The following SRFBP1 variants were observed in gnomAD, a reference collection of about 807,000 sequenced individuals.
SRFBP1 encodes serum response factor binding protein 1.
In SRFBP1, 47 loss-of-function variants were observed where a neutral mutation model predicts 45.5. That is an observed-to-expected ratio of 1.03 (90% CI 0.82 to 1.32). The LOEUF (loss-of-function observed/expected upper bound fraction) is 1.32, where lower values mean the gene tolerates loss of function less well. Ranked by LOEUF, SRFBP1 falls within the 40% of genes most tolerant of loss-of-function variation. The pLI is 0.00. For missense variants in SRFBP1, 621 were observed against 484.6 expected, an observed-to-expected ratio of 1.28 and a Z score of -2.64; for synonymous variants, 203 against 166.3, an observed-to-expected ratio of 1.22 and a Z score of -1.70.
chr5:122,028,598 C>CTG lies in SRFBP1; in HGVS notation c.*1474_*1475dup, dbSNP rs1351382497. ...CTCCAGCCTGGGTGACAGAGTATGA[C>CTG]TGTCTCAAAAAAAAAAAAAAATTTG... On this transcript the variant is annotated 3_prime_UTR_variant, in exon 8 of 8. Transcript: ENST00000339397. 1 of 147,862 alleles carries CTG rather than the reference C, an allele frequency of 6.8e-6. No individual in the cohort carries two copies. Among genetic ancestry groups the CTG allele is most frequent in the East Asian group, 2.0e-4 (1 of 5,102 alleles). The allele number at this position is 147,862 out of a possible 1,614,324, so 9.2% of individuals were successfully genotyped here. A position where few individuals can be genotyped will look rare whatever the true frequency, so the allele number is the denominator to read the frequency against.
intron 2 of SRFBP1, among the ~76,000 whole-genome samples, chr5:122,043,374 C>G (rs113527348): frequency 9.6e-4 from 146 of 152,176 alleles, no homozygotes; most frequent in African/African-American, 3.4e-3. Flanking sequence ...CCTTGCTACA[C>G]CCGGCTAGGT....
intron 4 of SRFBP1, among the ~76,000 whole-genome samples, chr5:121,998,056 A>G (rs987723958): frequency 6.6e-6 from 1 of 152,104 alleles, no homozygotes; most frequent in Non-Finnish European, 1.5e-5. Context: ...GAACACTTAC[A>G]CTGTTGGTGG....
intron 2 of SRFBP1, among the ~76,000 whole-genome samples, chr5:122,049,650 A>G (rs1467314421): frequency 2.0e-5 from 3 of 152,318 alleles, no homozygotes; most frequent in East Asian, 1.9e-4. Flanking sequence ...AGCAAATGTA[A>G]AAGAACAGAA....
At chr5:122,065,838 T>G (rs1289847903) in intron 2 of SRFBP1, 1 of 152,112 alleles carries the variant, frequency 6.6e-6, no homozygotes, top group African/African-American at 2.4e-5. Flanking sequence ...AAATTGTATC[T>G]TTGGCAAATA....
intron 2 of SRFBP1, among the ~76,000 whole-genome samples, chr5:122,043,600 C>A (rs540302447): frequency 6.6e-6 from 1 of 152,264 alleles, no homozygotes; most frequent in South Asian, 2.1e-4. Flanking sequence ...TTGTGTGTGT[C>A]ACTGATTCTT....
At chr5:121,978,471 A>G (rs148666551) in intron 3 of SRFBP1, among the ~76,000 whole-genome samples, 17 of 152,120 alleles carry the variant, frequency 1.1e-4, no homozygotes, top group African/African-American at 3.1e-4. Flanking sequence ...AGGTAAATAT[A>G]CACAGTAGCC....
chr5:122,027,272 C>CA lies in SRFBP1; in HGVS notation c.*147dup, dbSNP rs1360162469. On this transcript the variant is annotated 3_prime_UTR_variant, in exon 8 of 8. Coordinates refer to ENST00000339397, the MANE Select transcript of SRFBP1 (RefSeq NM_152546.3). The stretch of plus-strand genomic sequence containing the variant: ...AACTCCTGGGCTCAAGTGATCCTCC[C>CA]ACCTCTGCCTCCCAAAGGGCTGGGA... 6 of 610,898 alleles carry CA rather than the reference C, an allele frequency of 9.8e-6. No homozygotes were observed. The highest frequency in any genetic ancestry group is 1.4e-5 in the Non-Finnish European group (5 of 364,982). 37.8% of individuals were successfully genotyped at this position (610,898 alleles called of 1,614,324 possible).
intron 1 of SRFBP1, among the ~76,000 whole-genome samples, chr5:121,971,709 C>T (rs768826793): frequency 9.2e-5 from 14 of 151,980 alleles, no homozygotes; most frequent in Admixed American, 6.6e-5. Context: ...ACTGCCCCCT[C>T]AACTCTTAAC....
downstream of SRFBP1, chr5:122,077,800 T>A (rs1754686645): frequency 3.2e-6 from 5 of 1,550,098 alleles, no homozygotes; most frequent in Non-Finnish European, 4.3e-6. The surrounding 1 kb of genome is among the most constrained non-coding windows in gnomAD (Gnocchi z 4.9). Context: ...GCTGGTACTG[T>A]GAGCCCAGGC....
intron 2 of SRFBP1, among the ~76,000 whole-genome samples, chr5:122,073,505 A>G (rs778046079): frequency 3.3e-5 from 5 of 152,228 alleles, no homozygotes; most frequent in Non-Finnish European, 7.3e-5. Flanking sequence ...TTCTATTTTC[A>G]GCATAAAACA....
intron 2 of SRFBP1, among the ~76,000 whole-genome samples, chr5:122,033,946 C>T (rs867969051): frequency 4.6e-5 from 7 of 151,156 alleles, no homozygotes; most frequent in Non-Finnish European, 8.8e-5. Flanking sequence ...GCCTCAGCCT[C>T]CTGGGTAGCT....
Position 121,965,024 on chromosome 5 carries a change from A to G in SRFBP1, c.36+2956A>G, listed in dbSNP as rs566107184. Among the ~76,000 whole-genome samples, 372 of 152,194 alleles carry G rather than the reference A, an allele frequency of 2.4e-3. 2 individuals carry two copies. Among genetic ancestry groups the G allele is most frequent in the African/African-American group, 8.2e-3 (342 of 41,508 alleles). On this transcript the variant is annotated intron_variant, in intron 1 of 7. Transcript: ENST00000339397. The stretch of plus-strand genomic sequence containing the variant: ...AAGTGTCTGTTCATGTCCTTCGCCC[A>G]CTTTTTGATGGGGTTGTTTTTTTCT...
rs200900281 is a variant in SRFBP1, at chr5:122,020,721, A to T, written c.986A>T (p.Asp329Val). ...GAAACTCATGGGGATACAAGAAATG[A>T]CAAAATCAAGCCAAGTACAGAAACC... Reference protein sequence around the residue: ...TGETHGDTRNDKIKPSTETRK... With the variant: ...TGETHGDTRNVKIKPSTETRK... Residue 329 changes from aspartate to valine, a missense_variant, in exon 6 of 8, where the codon GAC (aspartate) becomes GTC (valine). By Grantham distance (152) the Asp-to-Val change is radical (BLOSUM62 -3). Coordinates refer to ENST00000339397, the MANE Select transcript of SRFBP1 (RefSeq NM_152546.3). 1.2e-6 allele frequency: 2 copies of T among 1,611,836 alleles called. No homozygotes were observed. The highest frequency in any genetic ancestry group is 1.7e-6 in the Non-Finnish European group (2 of 1,179,468).
At chr5:121,966,359 A>T (rs1343948769) in intron 1 of SRFBP1, among the ~76,000 whole-genome samples, 3 of 152,178 alleles carry the variant, frequency 2.0e-5, no homozygotes, top group Non-Finnish European at 4.4e-5. Context: ...TATTTTTGGT[A>T]CTTTGAAGAG....
chr5:122,054,484 T>G (rs1226439312), intron 2 of SRFBP1, among the ~76,000 whole-genome samples: 1 of 152,174 alleles, frequency 6.6e-6, no homozygotes, highest in African/African-American at 2.4e-5. Context: ...CTCTTTTGTT[T>G]CCTGTCCGTG....
chr5:122,032,381 T>C (rs1322247750), downstream of SRFBP1, among the ~76,000 whole-genome samples: 1 of 152,064 alleles, frequency 6.6e-6, no homozygotes, highest in Non-Finnish European at 1.5e-5. Context: ...GTTTGTTCTT[T>C]CCACCCCATT....
downstream of SRFBP1, among the ~76,000 whole-genome samples, chr5:122,076,432 C>A (rs1754635792): frequency 1.3e-5 from 2 of 152,142 alleles, no homozygotes; most frequent in African/African-American, 4.8e-5. Context: ...CCAAAACAAC[C>A]AAGTTCATCG....
intron 2 of SRFBP1, among the ~76,000 whole-genome samples, chr5:122,043,368 G>T (rs1200042078): frequency 2.0e-5 from 3 of 151,878 alleles, no homozygotes; most frequent in African/African-American, 7.3e-5. Flanking sequence ...AGCATGCCTT[G>T]CTACACCCGG....
At chr5:122,008,861 TATA>T (rs1174206925) in intron 4 of SRFBP1, among the ~76,000 whole-genome samples, 1 of 152,184 alleles carries the variant, frequency 6.6e-6, no homozygotes, top group African/African-American at 2.4e-5. Flanking sequence ...AATAAAATAT[TATA>T]ATAAAATATG....
Sources: allele counts gnomAD v4.1 joint callset (sites outside exome capture counted in the v4.1 genomes callset), GRCh38; gene constraint gnomAD v4.1.1; non-coding constraint Gnocchi (gnomAD v3.1); transcripts MANE v1.5; gene names NCBI Gene and HGNC (gene_info 2026-07-23, HGNC 2026-07-21).